The following CA10 variants were observed in gnomAD, a reference collection of about 807,000 sequenced individuals.
CA10 encodes carbonic anhydrase 10 (inactive), also known as carbonic anhydrase-related protein 10.
CA10 carries 14 observed loss-of-function variants against 44.2 expected under a neutral mutation model. The ratio of observed to expected loss-of-function variants is 0.32; its 90% CI spans 0.21 to 0.50. The LOEUF is 0.50. CA10 is among the 20% of genes least tolerant of loss of function. The probability of loss-of-function intolerance (pLI) is 0.99; values close to 1 mark genes in which losing one functional copy is unlikely to be tolerated. For missense variants in CA10, 350 were observed against 409.7 expected, an observed-to-expected ratio of 0.85 and a Z score of 1.26; for synonymous variants, 159 against 141.6, an observed-to-expected ratio of 1.12 and a Z score of -0.87.
chr17:52,142,727 CATT>C (rs1168765820), intron 1 of CA10, among the ~76,000 whole-genome samples: 1 of 152,050 alleles, frequency 6.6e-6, no homozygotes, highest in African/African-American at 2.4e-5. Context: ...CTAAAGGGCA[CATT>C]GAGAGAGACA....
intron 3 of CA10, among the ~76,000 whole-genome samples, chr17:51,817,176 A>G (rs998026771): frequency 9.2e-5 from 14 of 152,314 alleles, no homozygotes; most frequent in Admixed American, 9.2e-4. Flanking sequence ...CAACAGATGA[A>G]GGGTTTTTTA....
intron 2 of CA10, among the ~76,000 whole-genome samples, chr17:51,974,325 A>C (rs904327600): frequency 2.6e-5 from 4 of 151,220 alleles, no homozygotes; most frequent in African/African-American, 7.3e-5. Flanking sequence ...TGGAGGTTGC[A>C]GTGAGCCGAG....
intron 4 of CA10, among the ~76,000 whole-genome samples, chr17:51,693,210 G>A (rs1915279040): frequency 6.6e-6 from 1 of 151,948 alleles, no homozygotes; most frequent in African/African-American, 2.4e-5. Context: ...GTTTCAGTTG[G>A]CTTCAGCCAT....
At chr17:51,729,530 T>C (rs530851166) in intron 4 of CA10, among the ~76,000 whole-genome samples, 1 of 152,344 alleles carries the variant, frequency 6.6e-6, no homozygotes, top group South Asian at 2.1e-4. Context: ...AATAGGCAAC[T>C]GTGACTCTTT....
chr17:51,776,160 T>G (rs139998314), intron 3 of CA10, among the ~76,000 whole-genome samples: 3,451 of 152,156 alleles, frequency 0.023, 133 homozygotes, highest in African/African-American at 0.078. Context: ...AGGAGTTTGA[T>G]ACCAGCCTGA....
At chr17:51,662,582 A>T (rs905343161) in intron 4 of CA10, among the ~76,000 whole-genome samples, 30 of 152,228 alleles carry the variant, frequency 2.0e-4, no homozygotes, top group African/African-American at 7.2e-4. Context: ...GAACTTATTT[A>T]TAGAAAGTCA....
intron 2 of CA10, among the ~76,000 whole-genome samples, chr17:52,028,968 T>C (rs2144168841): frequency 6.6e-6 from 1 of 152,338 alleles, no homozygotes; most frequent in African/African-American, 2.4e-5. Context: ...TGGCATTACA[T>C]TCCCTTTCCA....
intron 3 of CA10, among the ~76,000 whole-genome samples, chr17:51,811,465 G>T (rs1212672719): frequency 6.6e-6 from 1 of 152,168 alleles, no homozygotes; most frequent in Non-Finnish European, 1.5e-5. Flanking sequence ...GCCCCAGTGT[G>T]TGATGTTCCC....
intron 3 of CA10, among the ~76,000 whole-genome samples, chr17:51,872,638 A>G (rs1056744933): frequency 1.3e-5 from 2 of 152,156 alleles, no homozygotes; most frequent in East Asian, 1.9e-4. Context: ...ACAAATAGAG[A>G]CCATTTACAG....
intron 2 of CA10, among the ~76,000 whole-genome samples, chr17:52,045,677 C>T (rs936409182): frequency 6.6e-6 from 1 of 151,778 alleles, no homozygotes; most frequent in Admixed American, 6.6e-5. Context: ...TTCAACACAC[C>T]TCATTAAATA....
intron 3 of CA10, among the ~76,000 whole-genome samples, chr17:51,756,540 C>A (rs1905086732): frequency 6.7e-6 from 1 of 148,552 alleles, no homozygotes. Context: ...CATCTCGGCT[C>A]ACTGCTGCAA....
rs1185149364 is a variant in CA10 at position 51,673,626 on chromosome 17, A to G, written c.466-19890T>C. ...ATACCCAGTGCTACTGCTTCAGATCAGGGCCTCAAGTACTCTCACCTTATT... is the reference window on the plus strand; with the variant it reads ...ATACCCAGTGCTACTGCTTCAGATCGGGGCCTCAAGTACTCTCACCTTATT... On this transcript the variant is annotated intron_variant, in intron 4 of 8. Coordinates refer to ENST00000451037, the MANE Select transcript of CA10 (RefSeq NM_020178.5). Among the ~76,000 whole-genome samples, 6 of 152,186 alleles carry G rather than the reference A, an allele frequency of 3.9e-5. No individual in the cohort carries two copies. The South Asian group carries it at 6.2e-4, about 16-fold the overall frequency.
Position 51,891,609 on chromosome 17 carries a change from G to A in CA10, c.279+39381C>T, listed in dbSNP as rs530963408. ...TTATCACGTAAGAATGCAGCCAGCTGCAATTGATGGAAAAATAGACAGTGG... is the reference window on the plus strand; with the variant it reads ...TTATCACGTAAGAATGCAGCCAGCTACAATTGATGGAAAAATAGACAGTGG... On this transcript the variant is annotated intron_variant, in intron 3 of 8. Transcript: ENST00000451037. Among the ~76,000 whole-genome samples the A allele has an allele frequency of 2.0e-5, 3 of 152,378 alleles. No individual in the cohort carries two copies. In the South Asian group the frequency reaches 6.2e-4, roughly 32 times the overall value.
At chr17:51,955,158 A>T (rs752593358) in intron 2 of CA10, among the ~76,000 whole-genome samples, 3 of 152,140 alleles carry the variant, frequency 2.0e-5, no homozygotes, top group Non-Finnish European at 4.4e-5. Context: ...AGAAAGCAAG[A>T]GGCAAAAAAG....
intron 3 of CA10, among the ~76,000 whole-genome samples, chr17:51,874,068 T>A (rs559968394): frequency 2.4e-4 from 37 of 152,350 alleles, no homozygotes; most frequent in Non-Finnish European, 4.7e-4. Context: ...CAGTTAACTA[T>A]GGCTTTTAAT....
intron 3 of CA10, among the ~76,000 whole-genome samples, chr17:51,753,491 T>C (rs1185110002): frequency 6.6e-6 from 1 of 152,216 alleles, no homozygotes; most frequent in Non-Finnish European, 1.5e-5. Context: ...AGGAAAAATT[T>C]TCATTCTTTG....
chr17:51,666,122 C>T (rs1229236125), intron 4 of CA10, among the ~76,000 whole-genome samples: 1 of 152,240 alleles, frequency 6.6e-6, no homozygotes, highest in East Asian at 1.9e-4. Context: ...ATTGATTCTT[C>T]CAACAAACCC....
chr17:51,991,588 T>TCA (rs1268595398), intron 2 of CA10, among the ~76,000 whole-genome samples: 1 of 152,084 alleles, frequency 6.6e-6, no homozygotes, highest in African/African-American at 2.4e-5. Flanking sequence ...GGTGGGCGGA[T>TCA]CACCAGAGGT....
chr17:51,817,577 A>G (rs187921933), intron 3 of CA10, among the ~76,000 whole-genome samples: 57 of 152,304 alleles, frequency 3.7e-4, no homozygotes, highest in Admixed American at 1.4e-3. Flanking sequence ...CACTGGGCCA[A>G]CTGAATTTAA....
Sources: allele counts gnomAD v4.1 joint callset (sites outside exome capture counted in the v4.1 genomes callset), GRCh38; gene constraint gnomAD v4.1.1; transcripts MANE v1.5; gene names NCBI Gene and HGNC (gene_info 2026-07-23, HGNC 2026-07-21).